The following FAM13A variants were observed in gnomAD, a reference collection of about 807,000 sequenced individuals.
The protein encoded by FAM13A is protein FAM13A.
In FAM13A, 76 loss-of-function variants were observed where a neutral mutation model predicts 129.6. That is an observed-to-expected ratio of 0.59 (90% CI 0.49 to 0.71). The LOEUF (loss-of-function observed/expected upper bound fraction) is 0.71. FAM13A is among the 30% of genes least tolerant of loss of function. The pLI is 0.00. For synonymous variants in FAM13A, 443 were observed against 449.9 expected, an observed-to-expected ratio of 0.98 and a Z score of 0.20; for missense variants, 1,108 against 1,249.3, an observed-to-expected ratio of 0.89 and a Z score of 1.70.
At chr4:88,772,289 A>G (rs1191765232) in intron 11 of FAM13A, among the ~76,000 whole-genome samples, 1 of 152,208 alleles carries the variant, frequency 6.6e-6, no homozygotes, top group Non-Finnish European at 1.5e-5. Context: ...ACCCTTTTGT[A>G]CATTTTATGT....
chr4:88,843,472 C>T (rs143428543), intron 7 of FAM13A, among the ~76,000 whole-genome samples: 7 of 152,312 alleles, frequency 4.6e-5, no homozygotes, highest in Middle Eastern at 6.8e-3. Context: ...GAGTGAAACA[C>T]TGTAAGGGAA....
intron 7 of FAM13A, among the ~76,000 whole-genome samples, chr4:88,831,467 A>G (rs946787232): frequency 1.3e-5 from 2 of 152,222 alleles, no homozygotes; most frequent in African/African-American, 4.8e-5. Flanking sequence ...ACATAAAATA[A>G]ACTCGTCATA....
chr4:89,040,842 G>C (rs145846000), intron 1 of FAM13A, among the ~76,000 whole-genome samples: 2 of 152,174 alleles, frequency 1.3e-5, no homozygotes, highest in Admixed American at 1.3e-4. Flanking sequence ...GACTGGGAGA[G>C]GCAGACCCAC....
chr4:88,785,006 A>T (rs1395944942), intron 10 of FAM13A, among the ~76,000 whole-genome samples: 4 of 152,132 alleles, frequency 2.6e-5, no homozygotes. Flanking sequence ...CAAATAACAA[A>T]TCATTTGTAC....
At chr4:88,893,528 C>G (rs1745725582) in intron 6 of FAM13A, among the ~76,000 whole-genome samples, 1 of 150,882 alleles carries the variant, frequency 6.6e-6, no homozygotes, top group Admixed American at 6.6e-5. Flanking sequence ...GAGGTTGAGA[C>G]AGGAGAATGG....
At chr4:88,733,811 T>C (rs1298306833) in intron 21 of FAM13A, among the ~76,000 whole-genome samples, 1 of 152,176 alleles carries the variant, frequency 6.6e-6, no homozygotes, top group Non-Finnish European at 1.5e-5. Flanking sequence ...CTAACAGAGT[T>C]AGGGACAGCT....
chr4:88,913,182 TGGA>T (rs1749409258), intron 5 of FAM13A, among the ~76,000 whole-genome samples: 1 of 37,488 alleles, frequency 2.7e-5, no homozygotes, highest in African/African-American at 1.2e-4. Flanking sequence ...GAGGAAGAAG[TGGA>T]GGAGGAAGAG....
Position 88,758,885 on chromosome 4 carries a change from A to T in FAM13A, c.1595T>A (p.Ile532Asn). ...GTCAGATAGGCTGGGATGCTCCTGG[A>T]TCTTCATTGTGGGGCTCTGCAATAA... ...TQHFESPTMK[I>N]QEHPSLSDTK... The change falls in exon 14 of 24, where the codon ATC (isoleucine) becomes AAC (asparagine). Residue 532 changes from isoleucine to asparagine, a missense_variant. Transcript: ENST00000264344. 3 of 1,613,846 alleles carry T rather than the reference A, an allele frequency of 1.9e-6. No homozygotes were observed. The highest frequency in any genetic ancestry group is 1.7e-6 in the Non-Finnish European group (2 of 1,179,848).
intron 3 of FAM13A, among the ~76,000 whole-genome samples, chr4:89,010,002 C>T (rs1765534870): frequency 6.6e-6 from 1 of 152,064 alleles, no homozygotes; most frequent in South Asian, 2.1e-4. Flanking sequence ...GGAACTGGTG[C>T]CTGTTTGTGT....
At chr4:89,036,061 G>C (rs909346787) in intron 1 of FAM13A, among the ~76,000 whole-genome samples, 1 of 152,210 alleles carries the variant, frequency 6.6e-6, no homozygotes, top group Non-Finnish European at 1.5e-5. Flanking sequence ...ACCTCAAAAT[G>C]TGAAAGCAGC....
At chr4:88,916,571 A>G (rs1372363408) in intron 5 of FAM13A, among the ~76,000 whole-genome samples, 5 of 152,134 alleles carry the variant, frequency 3.3e-5, no homozygotes, top group Admixed American at 3.3e-4. Context: ...TCTACTTTTT[A>G]TTTATTTGCA....
intron 11 of FAM13A, among the ~76,000 whole-genome samples, chr4:88,774,742 T>G (rs1303965658): frequency 6.6e-6 from 1 of 152,108 alleles, no homozygotes; most frequent in Non-Finnish European, 1.5e-5. Context: ...GGAAAGGAGA[T>G]GCACGTAATA....
intron 6 of FAM13A, among the ~76,000 whole-genome samples, chr4:88,877,303 C>T (rs1306211438): frequency 6.6e-6 from 1 of 152,126 alleles, no homozygotes; most frequent in Non-Finnish European, 1.5e-5. Flanking sequence ...CTGAATCTGG[C>T]AATCTAACCT....
intron 4 of FAM13A, among the ~76,000 whole-genome samples, chr4:88,945,720 A>T (rs1167578820): frequency 1.2e-4 from 18 of 144,866 alleles, no homozygotes; most frequent in Non-Finnish European, 1.5e-5. Context: ...CATTATAAAA[A>T]GTCACATTTT....
At chr4:88,841,764 C>G (rs1459421722) in intron 7 of FAM13A, among the ~76,000 whole-genome samples, 5 of 152,070 alleles carry the variant, frequency 3.3e-5, no homozygotes, top group Admixed American at 2.6e-4. Flanking sequence ...CAGATGGTAA[C>G]AATTGTTGGT....
At chr4:88,789,047 T>C (rs1057266164) in intron 9 of FAM13A, among the ~76,000 whole-genome samples, 3 of 152,206 alleles carry the variant, frequency 2.0e-5, no homozygotes, top group Admixed American at 6.6e-5. Flanking sequence ...AGTAAATTAA[T>C]ATGCACATAA....
intron 1 of FAM13A, among the ~76,000 whole-genome samples, chr4:89,045,798 C>T (rs1770764773): frequency 6.6e-6 from 1 of 151,948 alleles, no homozygotes; most frequent in Admixed American, 6.6e-5. Flanking sequence ...CCAAAGCGGG[C>T]AGATTACCTG....
intron 3 of FAM13A, among the ~76,000 whole-genome samples, chr4:89,017,128 A>C (rs1766605816): frequency 6.6e-6 from 1 of 152,196 alleles, no homozygotes; most frequent in Admixed American, 6.5e-5. Flanking sequence ...TGATGTTCAC[A>C]CAACAATGAA....
At chr4:88,839,531 T>C (rs1485450677) in intron 7 of FAM13A, among the ~76,000 whole-genome samples, 2 of 151,884 alleles carry the variant, frequency 1.3e-5, no homozygotes, top group Non-Finnish European at 2.9e-5. Context: ...TGTGTGTAGA[T>C]TGAATGTGAG....
Sources: allele counts gnomAD v4.1 joint callset (sites outside exome capture counted in the v4.1 genomes callset), GRCh38; gene constraint gnomAD v4.1.1; transcripts MANE v1.5; gene names NCBI Gene and HGNC (gene_info 2026-07-23, HGNC 2026-07-21).